METTL15: variants seen among roughly 807,000 people sequenced by gnomAD.
The protein encoded by METTL15 is methyltransferase 15, mitochondrial 12S rRNA N4-cytidine.
Under a neutral mutation model 38.3 loss-of-function variants are expected in METTL15, and 34 were observed. The observed-to-expected ratio is 0.89, with a 90% CI of 0.68 to 1.18. The LOEUF (loss-of-function observed/expected upper bound fraction) is 1.18, where lower values mean the gene tolerates loss of function less well. Among genes scored for constraint, METTL15 ranks in the 50% most tolerant of loss-of-function variants. METTL15 has a pLI of 0.00. For synonymous variants in METTL15, 162 were observed against 170.9 expected (o/e 0.95, Z 0.41); for missense variants, 438 against 498.4 (o/e 0.88, Z 1.15).
intron 6 of METTL15, among the ~76,000 whole-genome samples, chr11:28,509,897 AGAGTTGGCT>A (rs1295627935): frequency 6.6e-6 from 1 of 152,088 alleles, no homozygotes; most frequent in Non-Finnish European, 1.5e-5. Context: ...TTTAGGTTGT[AGAGTTGGCT>A]GCCAGGTATC....
chr11:28,475,793 A>G (rs780944829), intron 6 of METTL15, among the ~76,000 whole-genome samples: 5 of 152,226 alleles, frequency 3.3e-5, no homozygotes, highest in Non-Finnish European at 5.9e-5. Flanking sequence ...CTTCCAGATC[A>G]CACTCAGTTA....
chr11:28,463,235 C>T (rs894735442), intron 6 of METTL15, among the ~76,000 whole-genome samples: 6 of 152,084 alleles, frequency 3.9e-5, no homozygotes, highest in African/African-American at 1.4e-4. Flanking sequence ...GTAATCCATA[C>T]ATGTCTTATC....
rs555332282 is a variant in METTL15 at position 28,209,096 on chromosome 11, A to G, written c.271-1966A>G. On this transcript the variant is annotated intron_variant, in intron 3 of 6. Transcript: ENST00000407364. The stretch of plus-strand genomic sequence containing the variant: ...ATCTACAAGGGCATAATCATGATAC[A>G]TTAAAAATAATCATGTAAATTATAA... Among the ~76,000 whole-genome samples, 5 of 152,144 alleles carry G rather than the reference A, an allele frequency of 3.3e-5. No homozygotes were observed. The South Asian group carries it at 8.3e-4, about 25-fold the overall frequency.
intron 6 of METTL15, among the ~76,000 whole-genome samples, chr11:28,498,930 A>G (rs1327336220): frequency 6.6e-6 from 1 of 152,210 alleles, no homozygotes; most frequent in Non-Finnish European, 1.5e-5. Context: ...AGGAGGAAGA[A>G]GAGAATATTC....
chr11:28,473,720 T>A (rs989713038), intron 6 of METTL15, among the ~76,000 whole-genome samples: 1 of 152,122 alleles, frequency 6.6e-6, no homozygotes, highest in Non-Finnish European at 1.5e-5. Flanking sequence ...GCATTCAAGC[T>A]TCTCCACAAT....
At chr11:28,161,141 G>A (rs1426841021) in intron 3 of METTL15, among the ~76,000 whole-genome samples, 1 of 63,902 alleles carries the variant, frequency 1.6e-5, no homozygotes, top group African/African-American at 4.2e-5. Flanking sequence ...TTTGTTTTTT[G>A]AGACTGTGTC....
intron 5 of METTL15, among the ~76,000 whole-genome samples, chr11:28,397,638 G>C (rs541615016): frequency 1.3e-5 from 2 of 151,622 alleles, no homozygotes; most frequent in African/African-American, 4.8e-5. Context: ...TACACTGTTG[G>C]TGGGACTGTA....
chr11:28,201,092 C>G (rs1343948634), intron 3 of METTL15, among the ~76,000 whole-genome samples: 4 of 151,978 alleles, frequency 2.6e-5, no homozygotes, highest in Admixed American at 2.0e-4. Flanking sequence ...TCCATCAATA[C>G]AGTTTATTGA....
intron 5 of METTL15, among the ~76,000 whole-genome samples, chr11:28,294,705 G>T (rs1287441776): frequency 5.3e-5 from 8 of 152,088 alleles, no homozygotes; most frequent in African/African-American, 1.7e-4. Context: ...CTTGGATCTT[G>T]ACTCCTTGAC....
chr11:28,394,892 A>C (rs1850552545), intron 5 of METTL15, among the ~76,000 whole-genome samples: 2 of 152,086 alleles, frequency 1.3e-5, no homozygotes, highest in Admixed American at 1.3e-4. Context: ...ATAGATACTT[A>C]TTAAGTATAA....
At chr11:28,350,339 C>T (rs1177997958) in intron 3 of METTL15, among the ~76,000 whole-genome samples, 2 of 152,052 alleles carry the variant, frequency 1.3e-5, no homozygotes, top group Non-Finnish European at 2.9e-5. Flanking sequence ...AAAAGAAGAA[C>T]AAAGAGGGTA....
intron 3 of METTL15, among the ~76,000 whole-genome samples, chr11:28,348,031 A>G (rs1351201082): frequency 6.6e-6 from 1 of 152,120 alleles, no homozygotes; most frequent in Non-Finnish European, 1.5e-5. Context: ...TTTTATTTTC[A>G]TTACCATCCT....
At chr11:28,500,522 T>A (rs2133490031) in intron 6 of METTL15, among the ~76,000 whole-genome samples, 1 of 152,188 alleles carries the variant, frequency 6.6e-6, no homozygotes, top group East Asian at 1.9e-4. Context: ...ATGTGAGCAA[T>A]ATTTTTCCAA....
At chr11:28,235,145 G>A (rs1245423734) in intron 4 of METTL15, among the ~76,000 whole-genome samples, 10 of 152,118 alleles carry the variant, frequency 6.6e-5, no homozygotes, top group Admixed American at 2.0e-4. Flanking sequence ...TGAGGGGTCT[G>A]TTCTGTTCCA....
chr11:28,383,648 A>C (rs1365699817), intron 5 of METTL15, among the ~76,000 whole-genome samples: 11 of 152,080 alleles, frequency 7.2e-5, no homozygotes, highest in Non-Finnish European at 1.5e-5. Context: ...ACTTTTTAAT[A>C]GTAGCCATTC....
chr11:28,343,228 A>C (rs1275847395), intron 3 of METTL15, among the ~76,000 whole-genome samples: 1 of 152,112 alleles, frequency 6.6e-6, no homozygotes, highest in African/African-American at 2.4e-5. Context: ...AAAAAAAAAA[A>C]AACTTATAGT....
chr11:28,192,242 T>C (rs1851725335), intron 3 of METTL15, among the ~76,000 whole-genome samples: 1 of 151,896 alleles, frequency 6.6e-6, no homozygotes, highest in Admixed American at 6.6e-5. Flanking sequence ...TTCTGCAATA[T>C]ACAACTTGAT....
At chr11:28,147,785 C>A (rs1252024129) in intron 3 of METTL15, among the ~76,000 whole-genome samples, 2 of 151,782 alleles carry the variant, frequency 1.3e-5, no homozygotes, top group Non-Finnish European at 3.0e-5. Context: ...AGCAAAAAAA[C>A]AACATTTTTA....
chr11:28,211,940 G>C (rs1213175881), intron 4 of METTL15, among the ~76,000 whole-genome samples: 1 of 151,908 alleles, frequency 6.6e-6, no homozygotes, highest in African/African-American at 2.4e-5. Flanking sequence ...GAACTTGAGA[G>C]GTAATTTTGA....
Sources: allele counts gnomAD v4.1 joint callset (sites outside exome capture counted in the v4.1 genomes callset), GRCh38; gene constraint gnomAD v4.1.1; transcripts MANE v1.5; gene names NCBI Gene and HGNC (gene_info 2026-07-23, HGNC 2026-07-21).